DNAJC5B: variants seen among roughly 807,000 people sequenced by gnomAD.
The protein encoded by DNAJC5B is DnaJ heat shock protein family (Hsp40) member C5 beta.
Under a neutral mutation model 24.7 loss-of-function variants are expected in DNAJC5B, and 23 were observed. The observed-to-expected ratio is 0.93, with a 90% CI of 0.67 to 1.32. The LOEUF (loss-of-function observed/expected upper bound fraction) is 1.32. DNAJC5B is among the 40% of genes most tolerant of loss of function. The pLI is 0.00. For synonymous variants in DNAJC5B, 101 were observed against 90.1 expected (o/e 1.12, Z -0.68); for missense variants, 238 against 240.8 (o/e 0.99, Z 0.08).
chr8:66,034,216 T>C (rs890802180), intron 1 of DNAJC5B, among the ~76,000 whole-genome samples: 1 of 98,502 alleles, frequency 1.0e-5, no homozygotes. Flanking sequence ...GTGATGTAAG[T>C]GGGAATGTCT....
chr8:66,022,683 G>A (rs957928620), intron 1 of DNAJC5B, among the ~76,000 whole-genome samples: 5 of 152,170 alleles, frequency 3.3e-5, no homozygotes, highest in Non-Finnish European at 5.9e-5. Flanking sequence ...TATCACAGCA[G>A]TAAGGTCAAT....
chr8:66,090,295 G>A (rs562349621), intron 5 of DNAJC5B, among the ~76,000 whole-genome samples: 6 of 151,746 alleles, frequency 4.0e-5, no homozygotes, highest in Non-Finnish European at 4.4e-5. Flanking sequence ...GAGAGAGAGA[G>A]AGAGAGAAGG....
At chr8:66,050,382 G>A (rs1015120874) in intron 2 of DNAJC5B, among the ~76,000 whole-genome samples, 2 of 152,146 alleles carry the variant, frequency 1.3e-5, no homozygotes, top group Non-Finnish European at 2.9e-5. Flanking sequence ...CTGTTGTAAG[G>A]TAAGAGTTGC....
intron 5 of DNAJC5B, among the ~76,000 whole-genome samples, chr8:66,091,029 C>T (rs1807836500): frequency 6.6e-6 from 1 of 152,164 alleles, no homozygotes; most frequent in Admixed American, 6.5e-5. Context: ...TCAAAGTGAA[C>T]CCAAGATTTC....
intron 3 of DNAJC5B, among the ~76,000 whole-genome samples, chr8:66,073,485 A>ATGTG (rs61131925): frequency 2.1e-4 from 31 of 149,542 alleles, no homozygotes; most frequent in African/African-American, 5.6e-4. Context: ...GCATGTGTTC[A>ATGTG]TGTGTGTGTG....
intron 1 of DNAJC5B, among the ~76,000 whole-genome samples, chr8:66,037,719 C>T (rs1349247836): frequency 2.0e-5 from 3 of 152,222 alleles, no homozygotes; most frequent in Non-Finnish European, 2.9e-5. Flanking sequence ...CAAAGGAGCA[C>T]TCGATCTGCA....
chr8:66,070,840 G>C (rs1412781682), intron 3 of DNAJC5B, among the ~76,000 whole-genome samples: 1 of 152,108 alleles, frequency 6.6e-6, no homozygotes, highest in African/African-American at 2.4e-5. Context: ...CATGGTACTG[G>C]TACCAAAACA....
Position 66,098,072 on chromosome 8 carries a change from T to A in DNAJC5B, c.506-1865T>A, listed in dbSNP as rs565604990. 3.9e-5 allele frequency among the ~76,000 whole-genome samples: 6 copies of A among 152,332 alleles called. No individual in the cohort carries two copies. In the South Asian group the frequency reaches 1.2e-3, roughly 32 times the overall value. ...TTTCACCACATTGGCCAGGCTGGTT[T>A]TGAACTCCTGACCTCAGGTGATCTG... is the stretch of plus-strand genomic sequence containing the variant. On this transcript the variant is annotated intron_variant, in intron 5 of 5. Coordinates refer to ENST00000276570, the MANE Select transcript of DNAJC5B (RefSeq NM_033105.6).
intron 1 of DNAJC5B, among the ~76,000 whole-genome samples, chr8:66,031,245 C>T (rs1806355137): frequency 6.6e-6 from 1 of 152,114 alleles, no homozygotes; most frequent in African/African-American, 2.4e-5. Context: ...GATATTGCCA[C>T]AATTGATACA....
chr8:66,032,334 A>G (rs1235913317), intron 1 of DNAJC5B, among the ~76,000 whole-genome samples: 2 of 152,250 alleles, frequency 1.3e-5, no homozygotes, highest in Non-Finnish European at 2.9e-5. Context: ...GTGGGACCTG[A>G]GTGCAGCTGG....
At chr8:66,054,517 T>A (rs568027168) in intron 3 of DNAJC5B, among the ~76,000 whole-genome samples, 1 of 152,302 alleles carries the variant, frequency 6.6e-6, no homozygotes, top group East Asian at 1.9e-4. Flanking sequence ...ACTTATTGAG[T>A]CTCTATTTTT....
chr8:66,046,688 G>T (rs553029762), intron 2 of DNAJC5B, among the ~76,000 whole-genome samples: 4 of 152,208 alleles, frequency 2.6e-5, no homozygotes, highest in Admixed American at 2.6e-4. Flanking sequence ...CTGCCCCTCG[G>T]GGGCTACAGG....
chr8:66,053,446 T>A (rs900935766), intron 3 of DNAJC5B, among the ~76,000 whole-genome samples: 1 of 152,164 alleles, frequency 6.6e-6, no homozygotes, highest in South Asian at 2.1e-4. Context: ...AAATGTTGAG[T>A]ACAAAATTAA....
intron 5 of DNAJC5B, among the ~76,000 whole-genome samples, chr8:66,091,138 G>C (rs1482451401): frequency 6.6e-6 from 1 of 152,196 alleles, no homozygotes; most frequent in Non-Finnish European, 1.5e-5. Context: ...CTTAGTATTT[G>C]CCTGATGCCA....
intron 3 of DNAJC5B, among the ~76,000 whole-genome samples, chr8:66,074,033 A>G (rs558756353): frequency 6.6e-6 from 1 of 152,394 alleles, no homozygotes; most frequent in South Asian, 2.1e-4. Context: ...TGCAATACAT[A>G]TAACTGACAA....
chr8:66,063,048 T>C (rs1807119982), intron 3 of DNAJC5B, among the ~76,000 whole-genome samples: 1 of 152,154 alleles, frequency 6.6e-6, no homozygotes, highest in Non-Finnish European at 1.5e-5. Flanking sequence ...TGAACTAGTT[T>C]TGCACATTAG....
intron 5 of DNAJC5B, among the ~76,000 whole-genome samples, chr8:66,085,159 G>A (rs547818573): frequency 6.6e-6 from 1 of 152,272 alleles, no homozygotes; most frequent in Non-Finnish European, 1.5e-5. Context: ...ATTGGCCAGG[G>A]CCGGGCACAG....
chr8:66,019,624 C>A (rs1379516888), upstream of DNAJC5B, among the ~76,000 whole-genome samples: 1 of 151,936 alleles, frequency 6.6e-6, no homozygotes, highest in African/African-American at 2.4e-5. Context: ...AATTTTATTC[C>A]AGTAAAATGT....
intron 3 of DNAJC5B, among the ~76,000 whole-genome samples, chr8:66,065,380 C>T (rs1395291767): frequency 6.6e-6 from 1 of 152,176 alleles, no homozygotes; most frequent in African/African-American, 2.4e-5. Context: ...GGTCAAAGTA[C>T]TTGAATCATG....
Sources: allele counts gnomAD v4.1 joint callset (sites outside exome capture counted in the v4.1 genomes callset), GRCh38; gene constraint gnomAD v4.1.1; transcripts MANE v1.5; gene names NCBI Gene and HGNC (gene_info 2026-07-23, HGNC 2026-07-21).